Variants in LRBA observed in about 807,000 individuals in gnomAD.
LRBA encodes lipopolysaccharide-responsive and beige-like anchor protein.
Under a neutral mutation model 330.0 loss-of-function variants are expected in LRBA, and 176 were observed. The observed-to-expected ratio is 0.53, with a 90% CI of 0.47 to 0.60. The LOEUF (loss-of-function observed/expected upper bound fraction) is 0.60, where lower values mean the gene tolerates loss of function less well. Among genes scored for constraint, LRBA ranks in the 20% least tolerant of loss-of-function variants. LRBA has a pLI of 0.00. For synonymous variants in LRBA, 1,230 were observed against 1,193.0 expected, an observed-to-expected ratio of 1.03 and a Z score of -0.64; for missense variants, 3,259 against 3,444.8, an observed-to-expected ratio of 0.95 and a Z score of 1.35.
At position 150,798,071 on chromosome 4, in the gene LRBA, T is replaced by G. The variant is rs768566269; in HGVS notation, c.5580+10A>C. 1 of 1,578,082 alleles carries G rather than the reference T, an allele frequency of 6.3e-7. No homozygotes were observed. The highest frequency in any genetic ancestry group is 8.7e-7 in the Non-Finnish European group (1 of 1,150,416). ...CTACTTTTAATTCAACATTTATTCT[T>G]GCCACTCACCTGAGAACACAGTAGC... On this transcript the variant is annotated intron_variant, in intron 34 of 56. Coordinates refer to ENST00000651943, the MANE Select transcript of LRBA (RefSeq NM_001364905.1).
intron 2 of LRBA, among the ~76,000 whole-genome samples, chr4:151,006,878 A>G (rs943407403): frequency 6.6e-5 from 10 of 152,192 alleles, no homozygotes; most frequent in African/African-American, 2.4e-4. Flanking sequence ...TAATATTAAT[A>G]TATAACCAAT....
chr4:150,353,198 T>C (rs1206634896), intron 47 of LRBA, among the ~76,000 whole-genome samples: 1 of 152,136 alleles, frequency 6.6e-6, no homozygotes, highest in Non-Finnish European at 1.5e-5. Context: ...GAAGAGTATA[T>C]ACTCACAGTA....
intron 20 of LRBA, 56 bp downstream of exon 20, chr4:150,870,469 G>T (rs1257217547): frequency 1.6e-5 from 14 of 896,424 alleles, no homozygotes; most frequent in Middle Eastern, 4.3e-4. Context: ...TGTTCACAGT[G>T]ACTTTCTTTT....
chr4:150,538,804 G>A (rs186797812), intron 40 of LRBA, among the ~76,000 whole-genome samples: 3 of 148,250 alleles, frequency 2.0e-5, no homozygotes, highest in Non-Finnish European at 3.0e-5. Context: ...TACAGAGTGA[G>A]GCCCTGTCTC....
intron 37 of LRBA, among the ~76,000 whole-genome samples, chr4:150,662,708 C>A (rs1412702192): frequency 2.0e-5 from 3 of 152,198 alleles, no homozygotes; most frequent in Non-Finnish European, 4.4e-5. Flanking sequence ...TACCTCAGGC[C>A]TGTAATCCCA....
At chr4:150,830,523 T>C (rs1410596174) in intron 29 of LRBA, among the ~76,000 whole-genome samples, 9 of 152,062 alleles carry the variant, frequency 5.9e-5, no homozygotes, top group Non-Finnish European at 2.9e-5. Flanking sequence ...ATATATACTA[T>C]TAGAAAAGTC....
intron 48 of LRBA, among the ~76,000 whole-genome samples, chr4:150,346,596 T>C (rs999923839): frequency 1.3e-5 from 2 of 151,410 alleles, no homozygotes; most frequent in African/African-American, 4.9e-5. Context: ...CCGTCTCTAC[T>C]AAAAATACAA....
intron 37 of LRBA, among the ~76,000 whole-genome samples, chr4:150,663,172 C>A (rs1007969705): frequency 1.3e-5 from 2 of 152,062 alleles, no homozygotes; most frequent in African/African-American, 4.8e-5. Flanking sequence ...AAAATGTAAC[C>A]TAGCTAAAAT....
chr4:150,587,013 G>T (rs1581750322), intron 40 of LRBA, among the ~76,000 whole-genome samples: 1 of 152,016 alleles, frequency 6.6e-6, no homozygotes, highest in Admixed American at 6.5e-5. Flanking sequence ...CTCTACATTG[G>T]ATTAGTTAAC....
At chr4:150,993,573 C>T (rs1742327159) in intron 2 of LRBA, among the ~76,000 whole-genome samples, 2 of 152,076 alleles carry the variant, frequency 1.3e-5, no homozygotes, top group Admixed American at 1.3e-4. Flanking sequence ...TAAAGACATA[C>T]AAAAGACTGG....
intron 39 of LRBA, 148 bp from the exon 40 acceptor site, chr4:150,588,332 C>T (rs1357163117): frequency 2.9e-6 from 2 of 682,508 alleles, no homozygotes; most frequent in Non-Finnish European, 4.4e-6. Flanking sequence ...ATTCTGTCCA[C>T]CCCAAATCTT....
chr4:150,581,267 GT>G, intron 40 of LRBA: 1 of 412,556 alleles, frequency 2.4e-6, no homozygotes, highest in Non-Finnish European at 4.8e-6. Context: ...GCCCTGCCCT[GT>G]TTTTAAACAG....
intron 36 of LRBA, among the ~76,000 whole-genome samples, chr4:150,702,584 G>C (rs963509886): frequency 6.6e-6 from 1 of 152,092 alleles, no homozygotes; most frequent in Non-Finnish European, 1.5e-5. Flanking sequence ...TTATTACAAA[G>C]AAATTAAGTA....
chr4:150,795,915 C>T (rs1740711757), intron 34 of LRBA, among the ~76,000 whole-genome samples: 1 of 151,854 alleles, frequency 6.6e-6, no homozygotes. Context: ...GAAAAATAAT[C>T]AGAGCATGGC....
At chr4:150,662,043 G>C (rs1781165966) in intron 37 of LRBA, among the ~76,000 whole-genome samples, 1 of 152,128 alleles carries the variant, frequency 6.6e-6, no homozygotes, top group African/African-American at 2.4e-5. Flanking sequence ...TTTCTGGGAT[G>C]TTTGTATACA....
At chr4:150,808,242 G>C in intron 32 of LRBA, 78 bp downstream of exon 32, 1 of 863,170 alleles carries the variant, frequency 1.2e-6, no homozygotes, top group Non-Finnish European at 1.9e-6. Context: ...GAAATGAAAC[G>C]AAGTAAAATA....
chr4:150,437,937 C>T (rs553266881), intron 44 of LRBA, among the ~76,000 whole-genome samples: 2 of 152,192 alleles, frequency 1.3e-5, no homozygotes, highest in Non-Finnish European at 2.9e-5. Flanking sequence ...AGGTAATACA[C>T]GAACTCCATT....
rs1420860999 is a variant in LRBA, at chr4:150,820,544, T to A, written c.5172-3287A>T. ...CATAAATTTTTAAAAGCTGAATTATTTCATATAGCTACATAATTAGTATAT... is the reference window on the plus strand; with the variant it reads ...CATAAATTTTTAAAAGCTGAATTATATCATATAGCTACATAATTAGTATAT... On this transcript the variant is annotated intron_variant, in intron 30 of 56. Coordinates refer to ENST00000651943, the MANE Select transcript of LRBA (RefSeq NM_001364905.1). Among the ~76,000 whole-genome samples, 7 of 152,140 alleles carry A rather than the reference T, an allele frequency of 4.6e-5. No homozygotes were observed. The South Asian group carries it at 1.5e-3, about 32-fold the overall frequency.
At chr4:150,630,006 C>T (rs768708048) in intron 37 of LRBA, among the ~76,000 whole-genome samples, 14 of 152,078 alleles carry the variant, frequency 9.2e-5, no homozygotes, top group Non-Finnish European at 1.9e-4. Flanking sequence ...ATATTGCAAA[C>T]CCAGCTCCCT....
Sources: gnomAD v4.1 joint callset for allele counts (sites outside exome capture counted in the v4.1 genomes callset) on GRCh38, gnomAD v4.1.1 for gene constraint, MANE v1.5 for transcripts, NCBI Gene and HGNC (gene_info 2026-07-23, HGNC 2026-07-21) for gene names.